Variants in HYDIN observed in about 807,000 individuals in gnomAD.
The protein encoded by HYDIN is HYDIN axonemal central pair apparatus protein.
HYDIN carries 132 observed loss-of-function variants against 403.9 expected under a neutral mutation model. That is an observed-to-expected ratio of 0.33 (90% confidence interval 0.28 to 0.38). The LOEUF (loss-of-function observed/expected upper bound fraction) is 0.38, where lower values mean the gene tolerates loss of function less well. Ranked by LOEUF, HYDIN falls within the 10% of genes least tolerant of loss-of-function variation. The pLI is 1.00. For synonymous variants in HYDIN, 1,202 were observed against 1,891.7 expected, an observed-to-expected ratio of 0.64 and a Z score of 9.46; for missense variants, 2,827 against 5,009.5, an observed-to-expected ratio of 0.56 and a Z score of 13.15.
intron 84 of HYDIN, among the ~76,000 whole-genome samples, chr16:70,812,023 C>A (rs1262187473): frequency 3.5e-4 from 33 of 94,844 alleles, no homozygotes; most frequent in Non-Finnish European, 6.5e-4. Context: ...TGAAAGAATA[C>A]TAGTATTCCA....
At chr16:71,096,881 G>A (rs1162335327) in intron 10 of HYDIN, among the ~76,000 whole-genome samples, 1 of 101,720 alleles carries the variant, frequency 9.8e-6, no homozygotes, top group African/African-American at 6.0e-5. Context: ...GCCACAAGAA[G>A]ATAACTCCCT....
At chr16:71,228,267 T>C (rs1330151559) in intron 1 of HYDIN, among the ~76,000 whole-genome samples, 1 of 152,012 alleles carries the variant, frequency 6.6e-6, no homozygotes, top group Non-Finnish European at 1.5e-5. Flanking sequence ...ACTTCATGTC[T>C]AAAACACCAA....
chr16:71,227,163 G>A (rs8043727), intron 1 of HYDIN, among the ~76,000 whole-genome samples: 5,956 of 149,390 alleles, frequency 0.04, 425 homozygotes, highest in African/African-American at 0.14. Flanking sequence ...GTGTGTGTGT[G>A]TATATATATA....
At chr16:70,926,433 G>A (rs1242472374) in intron 45 of HYDIN, among the ~76,000 whole-genome samples, 2 of 151,930 alleles carry the variant, frequency 1.3e-5, no homozygotes, top group Non-Finnish European at 2.9e-5. Context: ...GACACAGGAA[G>A]GGGAACCTCA....
intron 43 of HYDIN, among the ~76,000 whole-genome samples, chr16:70,940,477 G>A (rs1272816066): frequency 6.6e-6 from 1 of 151,750 alleles, no homozygotes; most frequent in African/African-American, 2.4e-5. Context: ...AGATTTTAGT[G>A]TAATAATAGT....
Position 71,225,075 on chromosome 16 carries a change from C to G in HYDIN, c.-24+5487G>C, listed in dbSNP as rs78181423. Among the ~76,000 whole-genome samples, 1,297 of 152,188 alleles carry G rather than the reference C, an allele frequency of 8.5e-3. 18 individuals are homozygous for G. Among genetic ancestry groups the G allele is most frequent in the African/African-American group, 0.03 (1,233 of 41,524 alleles). On this transcript the variant is annotated intron_variant, in intron 1 of 85. Transcript: ENST00000393567. ...GTGATGGTTGTAAAATCTGGCAAGACGAACAGGAACCTAAAAAGCGAGGGC... is the reference window on the plus strand; with the variant it reads ...GTGATGGTTGTAAAATCTGGCAAGAGGAACAGGAACCTAAAAAGCGAGGGC...
intron 1 of HYDIN, among the ~76,000 whole-genome samples, chr16:71,187,231 T>G (rs539004913): frequency 6.6e-6 from 1 of 152,262 alleles, no homozygotes; most frequent in East Asian, 1.9e-4. Context: ...CACTGCCCAA[T>G]AAACATACTA....
chr16:71,182,432 A>G (rs1395388458), intron 3 of HYDIN, among the ~76,000 whole-genome samples: 1 of 152,106 alleles, frequency 6.6e-6, no homozygotes, highest in Non-Finnish European at 1.5e-5. Context: ...CATGGTGAGA[A>G]GCAGTATGAT....
intron 2 of HYDIN, among the ~76,000 whole-genome samples, chr16:71,185,689 A>T (rs2087114425): frequency 6.6e-6 from 1 of 152,212 alleles, no homozygotes; most frequent in African/African-American, 2.4e-5. Context: ...GCATTTAAAT[A>T]AAACTAACCC....
intron 75 of HYDIN, among the ~76,000 whole-genome samples, chr16:70,840,625 T>C (rs975939475): frequency 6.6e-6 from 1 of 152,248 alleles, no homozygotes; most frequent in Non-Finnish European, 1.5e-5. Context: ...TCAGACATAG[T>C]TCCAGTCATT....
At chr16:71,126,445 A>C (rs1291431650) in intron 9 of HYDIN, among the ~76,000 whole-genome samples, 2 of 152,158 alleles carry the variant, frequency 1.3e-5, no homozygotes, top group African/African-American at 4.8e-5. Context: ...AGAGACATGG[A>C]AAGGTCAGGA....
At chr16:71,131,099 G>A (rs2084694904) in intron 8 of HYDIN, among the ~76,000 whole-genome samples, 1 of 69,456 alleles carries the variant, frequency 1.4e-5, no homozygotes, top group Admixed American at 1.8e-4. Context: ...CTGAGTGGGA[G>A]CCTAGGATCA....
chr16:71,087,138 T>A (rs4788757), intron 12 of HYDIN, among the ~76,000 whole-genome samples: 10 of 150,508 alleles, frequency 6.6e-5, no homozygotes, highest in East Asian at 4.1e-4. Context: ...AAAGATTATG[T>A]TTGTGACAGG....
chr16:70,933,154 C>T (rs907359752), intron 45 of HYDIN, among the ~76,000 whole-genome samples: 63 of 151,866 alleles, frequency 4.1e-4, no homozygotes, highest in Non-Finnish European at 5.9e-4. Context: ...ACAGCAAAGA[C>T]GGGTGAGACA....
intron 10 of HYDIN, among the ~76,000 whole-genome samples, chr16:71,114,267 A>G (rs1326279451): frequency 6.6e-6 from 1 of 151,670 alleles, no homozygotes; most frequent in African/African-American, 2.4e-5. Flanking sequence ...GCCAAGTAGT[A>G]CATTAAATGG....
intron 53 of HYDIN, among the ~76,000 whole-genome samples, chr16:70,900,338 G>A (rs2143749518): frequency 6.6e-6 from 1 of 151,752 alleles, no homozygotes; most frequent in Non-Finnish European, 1.5e-5. Flanking sequence ...TTAGCTGGGT[G>A]TAGTGGCGCG....
chr16:70,821,724 G>C (rs2036273594), intron 83 of HYDIN, among the ~76,000 whole-genome samples: 1 of 151,172 alleles, frequency 6.6e-6, no homozygotes. Context: ...AAGTTTCTTG[G>C]ATCTATAGTT....
intron 23 of HYDIN, among the ~76,000 whole-genome samples, chr16:71,002,167 T>C (rs1464490526): frequency 6.6e-6 from 1 of 152,218 alleles, no homozygotes; most frequent in East Asian, 1.9e-4. Context: ...CTTTTAATGG[T>C]ATCTCTTGAT....
At chr16:71,100,152 C>T (rs1243239391) in intron 10 of HYDIN, among the ~76,000 whole-genome samples, 1 of 151,908 alleles carries the variant, frequency 6.6e-6, no homozygotes, top group African/African-American at 2.4e-5. Context: ...ATATAAGGTA[C>T]GTAAAAATAA....
Sources: allele counts gnomAD v4.1 joint callset (sites outside exome capture counted in the v4.1 genomes callset), GRCh38; gene constraint gnomAD v4.1.1; transcripts MANE v1.5; gene names NCBI Gene and HGNC (gene_info 2026-07-23, HGNC 2026-07-21).